RFX1: variants seen among roughly 807,000 people sequenced by gnomAD.
RFX1 encodes the protein regulatory factor X1.
In RFX1, 42 loss-of-function variants were observed where a neutral mutation model predicts 119.6. The observed-to-expected ratio is 0.35, with a 90% CI of 0.27 to 0.45. RFX1 has a LOEUF of 0.45. Ranked by LOEUF, RFX1 falls within the 20% of genes least tolerant of loss-of-function variation. The probability of loss-of-function intolerance (pLI) is 1.00; values close to 1 mark genes in which losing one functional copy is unlikely to be tolerated. For synonymous variants in RFX1, 628 were observed against 618.5 expected, an observed-to-expected ratio of 1.02 and a Z score of -0.23; for missense variants, 1,118 against 1,368.1, an observed-to-expected ratio of 0.82 and a Z score of 2.88.
At chr19:13,963,514 G>A (rs1163282165) in intron 18 of RFX1, 24 bp downstream of exon 18, 2 of 1,582,822 alleles carry the variant, frequency 1.3e-6, no homozygotes, top group Admixed American at 1.7e-5. Context: ...GTGCCGCCCG[G>A]ACCCGATCCC....
intron 8 of RFX1, among the ~76,000 whole-genome samples, chr19:13,973,791 G>A (rs1444467065): frequency 6.6e-5 from 10 of 151,970 alleles, no homozygotes; most frequent in Admixed American, 6.6e-4. Context: ...CACCACACCA[G>A]GTTAATTTTT....
At chr19:13,989,399 T>C (rs1394272983) in intron 2 of RFX1, among the ~76,000 whole-genome samples, 1 of 152,100 alleles carries the variant, frequency 6.6e-6, no homozygotes. Context: ...AGACGGAGTT[T>C]CACTCTTGTT....
In RFX1 at chr19:13,963,127, C is replaced by A. The variant is rs764229128; in HGVS notation, c.2719G>T (p.Gly907Cys). The A allele has an allele frequency of 6.2e-7, 1 of 1,611,198 alleles. No individual in the cohort carries two copies. The highest frequency in any genetic ancestry group is 1.1e-5 in the South Asian group (1 of 91,058). ...AKGETPIAVM[G>C]EFANLATSLN... is the part of the protein sequence containing the mutation. ...CAGTGGCCCGCCTCGCGCACCTCGC[C>A]CATGACGGCGATGGGGGTCTCGCCC... The change falls in exon 19 of 21, where the codon GGC becomes TGC. Residue 907 changes from glycine to cysteine, a missense_variant. Coordinates refer to ENST00000254325, the MANE Select transcript of RFX1 (RefSeq NM_002918.5).
chr19:13,980,731 T>TGCATCCTCCTGGGGTGGGCTC lies in RFX1; in HGVS notation c.622-43_622-42insGAGCCCACCCCAGGAGGATGC. 8.3e-7 allele frequency: 1 copy of TGCATCCTCCTGGGGTGGGCTC among 1,201,556 alleles called. No homozygotes were observed. Among genetic ancestry groups the TGCATCCTCCTGGGGTGGGCTC allele is most frequent in the Non-Finnish European group, 1.2e-6 (1 of 842,378 alleles). The allele number at this position is 1,201,556 out of a possible 1,614,324, so 74.4% of individuals were successfully genotyped here. On this transcript the variant is annotated intron_variant, in intron 5 of 20. Transcript: ENST00000254325. This position sits in a 1 kb window ranked among gnomAD's most constrained non-coding sequence, Gnocchi z 5.1. Reference sequence around the variant, plus strand: ...CACAGGAGTGCCGCTGGGGTGGGCTTGCATCCTCTCTGAGGTGGGCTCACA... The same window carrying TGCATCCTCCTGGGGTGGGCTC: ...CACAGGAGTGCCGCTGGGGTGGGCTTGCATCCTCCTGGGGTGGGCTCGCATCCTCTCTGAGGTGGGCTCACA...
At chr19:14,001,470 T>G (rs1975213415) in intron 1 of RFX1, among the ~76,000 whole-genome samples, 1 of 152,054 alleles carries the variant, frequency 6.6e-6, no homozygotes, top group Admixed American at 6.6e-5. Context: ...CTGGCTAATT[T>G]TTAAATCTTT....
At position 13,970,661 on chromosome 19, in the gene RFX1, C is replaced by CAAAAAA. The variant is rs1167910642; in HGVS notation, c.1315-492_1315-487dup. Among the ~76,000 whole-genome samples, 30 of 25,826 alleles carry CAAAAAA rather than the reference C, an allele frequency of 1.2e-3. 4 individuals carry two copies. The highest frequency in any genetic ancestry group is 3.3e-3 in the African/African-American group (28 of 8,552). 16.9% of individuals were successfully genotyped at this position (25,826 alleles called of 152,430 possible). On this transcript the variant is annotated intron_variant, in intron 9 of 20. Coordinates refer to ENST00000254325, the MANE Select transcript of RFX1 (RefSeq NM_002918.5). Reference sequence around the variant, plus strand: ...GCCTGGATACAGTGAGACCTTGTCTCAAAAAAAAAAAAAAAAAAAAAAAAA... The same window carrying CAAAAAA: ...GCCTGGATACAGTGAGACCTTGTCTCAAAAAAAAAAAAAAAAAAAAAAAAAAAAAAA...
intron 2 of RFX1, among the ~76,000 whole-genome samples, chr19:13,988,026 T>A (rs896920102): frequency 1.4e-5 from 2 of 141,668 alleles, no homozygotes; most frequent in Non-Finnish European, 3.1e-5. Context: ...TTCTTGCTCT[T>A]TTTTTTTTTT....
At chr19:13,996,095 T>C (rs1975007036) in intron 1 of RFX1, among the ~76,000 whole-genome samples, 1 of 152,036 alleles carries the variant, frequency 6.6e-6, no homozygotes, top group South Asian at 2.1e-4. Flanking sequence ...GGTGTGTTCC[T>C]CTCCCAGGTG....
intron 2 of RFX1, among the ~76,000 whole-genome samples, chr19:13,984,637 C>G (rs1974538849): frequency 6.6e-6 from 1 of 152,160 alleles, no homozygotes; most frequent in African/African-American, 2.4e-5. Flanking sequence ...GGCATACCCC[C>G]AGCAGCTCCA....
Position 13,962,709 on chromosome 19 carries a change from G to C in RFX1, c.2926C>G (p.Leu976Val), listed in dbSNP as rs1229686716. ...TDARGLFVQA[L>V]PSS Reference sequence around the variant, plus strand: ...AGGCCAAGGGCTTAGCTGGAGGGCAGCGCCTGCACGAAGAGGCCGCGCGCG... The same window carrying C: ...AGGCCAAGGGCTTAGCTGGAGGGCACCGCCTGCACGAAGAGGCCGCGCGCG... The change falls in exon 21 of 21, where the codon CTG becomes GTG. Residue 976 changes from leucine to valine, a missense_variant. This residue lies in a region of RFX1 where 138 missense variants were observed against 117.8 expected (regional missense o/e 1.17). Coordinates refer to ENST00000254325, the MANE Select transcript of RFX1 (RefSeq NM_002918.5). 1.6e-5 allele frequency: 25 copies of C among 1,527,822 alleles called. No homozygotes were observed. Among genetic ancestry groups the C allele is most frequent in the Non-Finnish European group, 1.8e-5 (21 of 1,143,512 alleles). The allele number at this position is 1,527,822 out of a possible 1,614,324, so 94.6% of individuals were successfully genotyped here.
In RFX1 at chr19:13,985,587, G is replaced by A. The variant is rs1024794798; in HGVS notation, c.320-1992C>T. ...CATCCACCGTGCAGGCCATGACGCA[G>A]GTTCCCCTCTGGGCCCACACGAACC... On this transcript the variant is annotated intron_variant, in intron 2 of 20. Coordinates refer to ENST00000254325, the MANE Select transcript of RFX1 (RefSeq NM_002918.5). The surrounding 1 kb of genome is among the most constrained non-coding windows in gnomAD (Gnocchi z 4.3). 3.3e-5 allele frequency among the ~76,000 whole-genome samples: 5 copies of A among 152,378 alleles called. No individual in the cohort carries two copies. Among genetic ancestry groups the A allele is most frequent in the Middle Eastern group, 3.4e-3 (1 of 294 alleles).
chr19:13,989,924 G>C (rs990861756), intron 2 of RFX1, among the ~76,000 whole-genome samples: 1 of 152,158 alleles, frequency 6.6e-6, no homozygotes, highest in Non-Finnish European at 1.5e-5. Flanking sequence ...GGAGGAGTAG[G>C]ACAGAAACAA....
At chr19:13,976,847 A>G (rs1974266504) in intron 8 of RFX1, among the ~76,000 whole-genome samples, 1 of 152,070 alleles carries the variant, frequency 6.6e-6, no homozygotes, top group South Asian at 2.1e-4. Flanking sequence ...CTACAAAAAT[A>G]CAAAAATTAG....
intron 1 of RFX1, among the ~76,000 whole-genome samples, chr19:13,995,291 CAGT>C (rs1974970416): frequency 1.3e-5 from 2 of 152,094 alleles, no homozygotes; most frequent in Admixed American, 1.3e-4. Context: ...GGACCCGTGC[CAGT>C]TCCCTACGTG....
At position 13,985,335 on chromosome 19, in the gene RFX1, C is replaced by A. The variant is rs1974558226; in HGVS notation, c.320-1740G>T. Among the ~76,000 whole-genome samples the A allele has an allele frequency of 6.6e-6, 1 of 152,180 alleles. No homozygotes were observed. The highest frequency in any genetic ancestry group is 2.4e-5 in the African/African-American group (1 of 41,444). On this transcript the variant is annotated intron_variant, in intron 2 of 20. Transcript: ENST00000254325. The surrounding 1 kb of genome is among the most constrained non-coding windows in gnomAD (Gnocchi z 4.3). ...AGGACTGCAGGCACCCGCCACCACG[C>A]CCAGCTAATTTTTGTGGTTTTAGTA...
intron 1 of RFX1, among the ~76,000 whole-genome samples, chr19:13,997,086 C>G (rs1355070305): frequency 6.6e-6 from 1 of 152,156 alleles, no homozygotes; most frequent in African/African-American, 2.4e-5. Context: ...GAGACCCAAG[C>G]GTCACCTGCA....
chr19:13,963,144 G>T lies in RFX1; in HGVS notation c.2702C>A (p.Thr901Asn), dbSNP rs767639250. ...EHRVAQAKGE[T>N]PIAVMGEFAN... ...CACCTCGCCCATGACGGCGATGGGGGTCTCGCCCTTGGCCTGGGCTACGCG... is the reference window on the plus strand; with the variant it reads ...CACCTCGCCCATGACGGCGATGGGGTTCTCGCCCTTGGCCTGGGCTACGCG... Residue 901 changes from threonine to asparagine, a missense_variant, in exon 19 of 21, where the codon ACC becomes AAC. By Grantham distance (65) the Thr-to-Asn change is moderately conservative (BLOSUM62 0). Around this residue, in one of 5 missense-constraint regions of RFX1, gnomAD observed 138 missense variants for 117.8 expected, o/e 1.17. Coordinates refer to ENST00000254325, the MANE Select transcript of RFX1 (RefSeq NM_002918.5). 2.5e-6 allele frequency: 4 copies of T among 1,612,152 alleles called. No individual in the cohort carries two copies. In the East Asian group the frequency reaches 6.7e-5, roughly 27 times the overall value.
Position 13,973,076 on chromosome 19 carries a change from T to G in RFX1, c.981A>C (p.Ala327=), listed in dbSNP as rs776691680. 1.2e-5 allele frequency: 20 copies of G among 1,601,272 alleles called. No individual in the cohort carries two copies. Among genetic ancestry groups the G allele is most frequent in the Non-Finnish European group, 1.7e-5 (20 of 1,179,848 alleles). Residue 327 remains alanine, a synonymous_variant, in exon 9 of 21, where the codon GCA becomes GCC. Transcript: ENST00000254325. ...YPETPLYTQT[A]STSYYEAAGT... ...CTGCGGCCTCGTAGTAGCTGGTGCT[T>G]GCCGTCTGCGTGTACAGCGGCGTCT...
intron 1 of RFX1, among the ~76,000 whole-genome samples, chr19:13,996,378 G>C (rs1599519276): frequency 6.6e-6 from 1 of 152,254 alleles, no homozygotes; most frequent in East Asian, 1.9e-4. Context: ...CTGGACCAGA[G>C]CCTCTTCTGC....
Sources: allele counts gnomAD v4.1 joint callset (sites outside exome capture counted in the v4.1 genomes callset), GRCh38; gene constraint gnomAD v4.1.1; regional missense constraint gnomAD v4.1.1; non-coding constraint Gnocchi (gnomAD v3.1); transcripts MANE v1.5; gene names NCBI Gene and HGNC (gene_info 2026-07-23, HGNC 2026-07-21).